Variants in R3HDM1 observed in about 807,000 individuals in gnomAD.
R3HDM1 encodes R3H domain-containing protein 1.
R3HDM1 carries 46 observed loss-of-function variants against 141.1 expected under a neutral mutation model. That is an observed-to-expected ratio of 0.33 (90% CI 0.26 to 0.42). The LOEUF is 0.42. Among genes scored for constraint, R3HDM1 ranks in the 10% least tolerant of loss-of-function variants. The pLI is 1.00. For synonymous variants in R3HDM1, 435 were observed against 472.9 expected, an observed-to-expected ratio of 0.92 and a Z score of 1.04; for missense variants, 1,184 against 1,368.3, an observed-to-expected ratio of 0.87 and a Z score of 2.12.
chr2:135,650,119 A>T, intron 17 of R3HDM1, 116 bp downstream of exon 17: 1 of 1,006,756 alleles, frequency 9.9e-7, no homozygotes. Context: ...TCAGGTTTAC[A>T]TATGTATCTA....
Position 135,697,438 on chromosome 2 carries a change from T to C in R3HDM1, c.2460-11995T>C, listed in dbSNP as rs112577272. ...TCTGCCTTAAAAAAACCTTGGCAGA[T>C]AGGTATCAGAGACATGTTTATGAAT... On this transcript the variant is annotated intron_variant, in intron 21 of 26. Transcript: ENST00000683871. 5.3e-5 allele frequency among the ~76,000 whole-genome samples: 8 copies of C among 152,334 alleles called. No homozygotes were observed. The East Asian group carries it at 1.5e-3, about 29-fold the overall frequency.
At chr2:135,608,263 C>T (rs1443924569) in intron 3 of R3HDM1, among the ~76,000 whole-genome samples, 1 of 152,010 alleles carries the variant, frequency 6.6e-6, no homozygotes, top group Non-Finnish European at 1.5e-5. Context: ...TTGCAGTGAA[C>T]CGAGATCACG....
rs866975123 is a variant in R3HDM1, at chr2:135,628,345, G to A, written c.498-3373G>A. Among the ~76,000 whole-genome samples the A allele has an allele frequency of 3.3e-5, 5 of 152,270 alleles. No individual in the cohort carries two copies. The South Asian group carries it at 1.0e-3, about 32-fold the overall frequency. On this transcript the variant is annotated intron_variant, in intron 7 of 26. Coordinates refer to ENST00000683871, the MANE Select transcript of R3HDM1 (RefSeq NM_001378107.1). ...TTTTTAACAAGTGCTACTAAAAGCA[G>A]GGTATCTTTTTTAAAATAAGTGACC...
chr2:135,538,226 A>G (rs901326254), intron 1 of R3HDM1, among the ~76,000 whole-genome samples: 3 of 152,242 alleles, frequency 2.0e-5, no homozygotes, highest in African/African-American at 4.8e-5. Context: ...GTATCTGTAT[A>G]TGTAAATAAA....
At chr2:135,573,993 G>A (rs189254551) in intron 1 of R3HDM1, among the ~76,000 whole-genome samples, 1 of 152,112 alleles carries the variant, frequency 6.6e-6, no homozygotes, top group East Asian at 1.9e-4. Flanking sequence ...AACCTAAAGA[G>A]CATACCCAGA....
intron 1 of R3HDM1, among the ~76,000 whole-genome samples, chr2:135,567,759 A>T (rs1432232847): frequency 6.6e-6 from 1 of 151,898 alleles, no homozygotes; most frequent in Non-Finnish European, 1.5e-5. Flanking sequence ...TTTTTTTTAG[A>T]GATAACGTCT....
chr2:135,584,962 A>G (rs1707544284), intron 1 of R3HDM1, among the ~76,000 whole-genome samples: 1 of 152,254 alleles, frequency 6.6e-6, no homozygotes, highest in Non-Finnish European at 1.5e-5. Flanking sequence ...AAAATCATTT[A>G]TACCCTTTGG....
chr2:135,569,352 G>A (rs772122590), intron 1 of R3HDM1, among the ~76,000 whole-genome samples: 8 of 151,806 alleles, frequency 5.3e-5, no homozygotes, highest in South Asian at 2.1e-4. Flanking sequence ...GCATGGTGGC[G>A]CACGCCTGTA....
At chr2:135,618,881 G>T (rs2061298908) in intron 5 of R3HDM1, among the ~76,000 whole-genome samples, 1 of 152,126 alleles carries the variant, frequency 6.6e-6, no homozygotes, top group South Asian at 2.1e-4. Context: ...TTAGGCAGGT[G>T]TGGTGGCACA....
chr2:135,658,818 TTTC>T (rs2066260294), intron 18 of R3HDM1, among the ~76,000 whole-genome samples: 1 of 152,348 alleles, frequency 6.6e-6, no homozygotes, highest in East Asian at 1.9e-4. Flanking sequence ...TTAAATTTTC[TTTC>T]TTTTTAATTT....
chr2:135,549,839 A>T, intron 1 of R3HDM1: 1 of 432,068 alleles, frequency 2.3e-6, no homozygotes, highest in Non-Finnish European at 3.1e-6. Flanking sequence ...TTGTGAATAG[A>T]CTAAATACTA....
chr2:135,717,842 G>T (rs1307571264), intron 24 of R3HDM1, among the ~76,000 whole-genome samples: 1 of 152,138 alleles, frequency 6.6e-6, no homozygotes, highest in African/African-American at 2.4e-5. Context: ...CACTCCTGGG[G>T]GAAAGAGAAT....
intron 9 of R3HDM1, 31 bp downstream of exon 9, chr2:135,632,032 T>G: frequency 6.8e-7 from 1 of 1,464,824 alleles, no homozygotes; most frequent in Non-Finnish European, 9.3e-7. Flanking sequence ...CTACATATTA[T>G]ATATCTAAAT....
At chr2:135,563,165 T>C (rs898605842) in intron 1 of R3HDM1, among the ~76,000 whole-genome samples, 4 of 152,206 alleles carry the variant, frequency 2.6e-5, no homozygotes, top group Admixed American at 6.5e-5. Context: ...GAGATCATAC[T>C]CAGGCACTCT....
chr2:135,550,697 C>T (rs1415359101), intron 1 of R3HDM1, among the ~76,000 whole-genome samples: 1 of 152,066 alleles, frequency 6.6e-6, no homozygotes, highest in East Asian at 1.9e-4. Flanking sequence ...CTATTTGAGT[C>T]AAAATTTCAA....
chr2:135,650,070 G>T, intron 17 of R3HDM1, 67 bp downstream of exon 17: 1 of 1,104,144 alleles, frequency 9.1e-7, no homozygotes, highest in Non-Finnish European at 1.1e-6. Context: ...GCTCAAGAGT[G>T]TCATTAATGT....
At position 135,675,311 on chromosome 2, in the gene R3HDM1, T is replaced by C. The variant is rs199997702; in HGVS notation, c.2153-21T>C. 42 of 1,600,868 alleles carry C rather than the reference T, an allele frequency of 2.6e-5. No homozygotes were observed. In the East Asian group the frequency reaches 8.0e-4, roughly 31 times the overall value. Reference sequence around the variant, plus strand: ...GATGAAATGAATTCAGAGCAGGATTTAACTCATTGTACCATTACAGGTTAT... The same window carrying C: ...GATGAAATGAATTCAGAGCAGGATTCAACTCATTGTACCATTACAGGTTAT... On this transcript the variant is annotated intron_variant, in intron 19 of 26. Coordinates refer to ENST00000683871, the MANE Select transcript of R3HDM1 (RefSeq NM_001378107.1).
intron 18 of R3HDM1, among the ~76,000 whole-genome samples, chr2:135,656,045 G>A (rs376208785): frequency 6.6e-6 from 1 of 152,018 alleles, no homozygotes; most frequent in Non-Finnish European, 1.5e-5. Context: ...TTTGGGATTT[G>A]TCCATCTCCC....
At chr2:135,691,177 C>A (rs1419823060) in intron 21 of R3HDM1, among the ~76,000 whole-genome samples, 1 of 152,138 alleles carries the variant, frequency 6.6e-6, no homozygotes, top group African/African-American at 2.4e-5. Flanking sequence ...TCAACCACAG[C>A]CTTAGCACCC....
Sources: allele counts gnomAD v4.1 joint callset (sites outside exome capture counted in the v4.1 genomes callset), GRCh38; gene constraint gnomAD v4.1.1; transcripts MANE v1.5; gene names NCBI Gene and HGNC (gene_info 2026-07-23, HGNC 2026-07-21).